The following ANO3 variants were observed in gnomAD, a reference collection of about 807,000 sequenced individuals.
ANO3 encodes the protein anoctamin-3.
In ANO3, 99 loss-of-function variants were observed where a neutral mutation model predicts 144.8. The ratio of observed to expected loss-of-function variants is 0.68; its 90% CI spans 0.58 to 0.81. The LOEUF is 0.81. Ranked by LOEUF, ANO3 falls within the 30% of genes least tolerant of loss-of-function variation. The pLI is 0.00. For missense variants in ANO3, 905 were observed against 1,202.2 expected, an observed-to-expected ratio of 0.75 and a Z score of 3.66; for synonymous variants, 414 against 392.6, an observed-to-expected ratio of 1.05 and a Z score of -0.64.
At position 26,534,572 on chromosome 11, in the gene ANO3, T is replaced by G; in HGVS notation, c.976+10T>G. 1 of 1,567,036 alleles carries G rather than the reference T, an allele frequency of 6.4e-7. No homozygotes were observed. Among genetic ancestry groups the G allele is most frequent in the Non-Finnish European group, 8.8e-7 (1 of 1,138,210 alleles). On this transcript the variant is annotated intron_variant, in intron 9 of 26. Transcript: ENST00000256737. Reference sequence around the variant, plus strand: ...GGAATATCAAAAGTGGGTAAGAACATTAATTAATAACAGAGTAGAACTTGC... The same window carrying G: ...GGAATATCAAAAGTGGGTAAGAACAGTAATTAATAACAGAGTAGAACTTGC...
Position 26,557,144 on chromosome 11 carries a change from A to G in ANO3, c.1387-2575A>G, listed in dbSNP as rs528568541. Among the ~76,000 whole-genome samples, 18 of 152,138 alleles carry G rather than the reference A, an allele frequency of 1.2e-4. No homozygotes were observed. In the South Asian group the frequency reaches 3.5e-3, roughly 30 times the overall value. On this transcript the variant is annotated intron_variant, in intron 13 of 26. Transcript: ENST00000256737. The stretch of plus-strand genomic sequence containing the variant: ...TTAGGCTAAGTTTGCTACCTTCTTT[A>G]TATATTATGCCTAGTCATCTTAACA...
Position 26,599,590 on chromosome 11 carries a change from A to C in ANO3, c.1712A>C (p.Tyr571Ser). Residue 571 changes from tyrosine to serine, a missense_variant, in exon 17 of 27, where the codon TAC becomes TCC. Tyr to Ser is a moderately radical substitution (Grantham distance 144, BLOSUM62 -2). Transcript: ENST00000256737. ...VITAVFGVVV[Y>S]RLVVMEQFAS... ...ACTGCAGTGTTTGGAGTTGTGGTGTACCGCCTGGTTGTCATGGAACAGTTT... is the reference window on the plus strand; with the variant it reads ...ACTGCAGTGTTTGGAGTTGTGGTGTCCCGCCTGGTTGTCATGGAACAGTTT... 3 of 1,614,104 alleles carry C rather than the reference A, an allele frequency of 1.9e-6. No individual in the cohort carries two copies. The highest frequency in any genetic ancestry group is 2.5e-6 in the Non-Finnish European group (3 of 1,179,994).
At chr11:26,225,166 C>A (rs1177201872) in intron 1 of ANO3, among the ~76,000 whole-genome samples, 1 of 151,400 alleles carries the variant, frequency 6.6e-6, no homozygotes, top group Non-Finnish European at 1.5e-5. Flanking sequence ...CAGTAAGTGG[C>A]GGAAAAAAAT....
intron 1 of ANO3, among the ~76,000 whole-genome samples, chr11:26,433,984 T>G (rs11500182): frequency 0.24 from 36,805 of 152,138 alleles, 5,133 homozygotes; most frequent in African/African-American, 0.38. Context: ...TCAGCTCTTC[T>G]TTATCCATCT....
At chr11:26,611,640 G>C (rs575655122) in intron 17 of ANO3, among the ~76,000 whole-genome samples, 1 of 152,200 alleles carries the variant, frequency 6.6e-6, no homozygotes, top group East Asian at 1.9e-4. Context: ...CTATGGTGTA[G>C]TTTAAGTCTA....
chr11:26,632,849 A>G (rs1852830481), intron 18 of ANO3, among the ~76,000 whole-genome samples: 1 of 152,194 alleles, frequency 6.6e-6, no homozygotes, highest in African/African-American at 2.4e-5. Context: ...CTAAAAATCT[A>G]CATCCTCTTT....
Position 26,205,240 on chromosome 11 carries a change from T to C in ANO3, c.154+15910T>C, listed in dbSNP as rs1478354515. Among the ~76,000 whole-genome samples the C allele has an allele frequency of 3.9e-5, 6 of 152,190 alleles. No individual in the cohort carries two copies. In the East Asian group the frequency reaches 1.2e-3, roughly 29 times the overall value. ...GTGGGGACACAGAGCCGAACCATAC[T>C]GTTTGCAACTTTGGGCATCTTTCTA... On this transcript the variant is annotated intron_variant, in intron 1 of 27. Transcript: ENST00000672621.
Position 26,351,973 on chromosome 11 carries a change from G to A in ANO3, c.46+19652G>A, listed in dbSNP as rs995974770. 2.6e-5 allele frequency among the ~76,000 whole-genome samples: 4 copies of A among 152,264 alleles called. 1 individual carries two copies. In the South Asian group the frequency reaches 6.2e-4, roughly 24 times the overall value. ...ATGTATTAACAGCCAAGTAGCAATA[G>A]CCCAGGGCAACTGTGTCCATACGAA... On this transcript the variant is annotated intron_variant, in intron 1 of 26. Coordinates refer to ENST00000256737, the MANE Select transcript of ANO3 (RefSeq NM_031418.4).
At chr11:26,322,645 T>C (rs1854788813) in intron 1 of ANO3, among the ~76,000 whole-genome samples, 1 of 152,156 alleles carries the variant, frequency 6.6e-6, no homozygotes, top group Admixed American at 6.6e-5. Flanking sequence ...ACAGAAAGAA[T>C]GTGCCATTTT....
chr11:26,474,357 A>G (rs1859885085), intron 4 of ANO3, among the ~76,000 whole-genome samples: 1 of 151,834 alleles, frequency 6.6e-6, no homozygotes, highest in African/African-American at 2.4e-5. Context: ...TCACCTCTGA[A>G]GTTTTGTCTT....
intron 1 of ANO3, among the ~76,000 whole-genome samples, chr11:26,273,800 T>C (rs190779859): frequency 2.6e-5 from 4 of 152,112 alleles, no homozygotes; most frequent in Admixed American, 2.6e-4. Context: ...TCCAAACCAG[T>C]GCCAGATCAT....
At chr11:26,643,142 G>C in intron 22 of ANO3, 40 bp from the exon 23 acceptor site, 1 of 1,597,448 alleles carries the variant, frequency 6.3e-7, no homozygotes, top group Non-Finnish European at 8.5e-7. Flanking sequence ...TGTCACAAAG[G>C]AAGTTTATAT....
At chr11:26,498,192 T>A (rs997377222) in intron 4 of ANO3, among the ~76,000 whole-genome samples, 1 of 152,032 alleles carries the variant, frequency 6.6e-6, no homozygotes, top group Non-Finnish European at 1.5e-5. Flanking sequence ...TAAATGATTA[T>A]GTAGATACAA....
intron 14 of ANO3, among the ~76,000 whole-genome samples, chr11:26,571,584 A>T (rs1414501249): frequency 1.3e-5 from 2 of 152,108 alleles, no homozygotes; most frequent in Non-Finnish European, 2.9e-5. Flanking sequence ...TTCCAAAACT[A>T]TTCTAATACT....
At chr11:26,606,649 A>T (rs1307371799) in intron 17 of ANO3, among the ~76,000 whole-genome samples, 2 of 149,400 alleles carry the variant, frequency 1.3e-5, no homozygotes, top group Non-Finnish European at 3.0e-5. Context: ...CTTTATTTTG[A>T]GCCTGTGTGT....
At chr11:26,231,597 A>G (rs976456246) in intron 1 of ANO3, among the ~76,000 whole-genome samples, 1 of 152,180 alleles carries the variant, frequency 6.6e-6, no homozygotes, top group African/African-American at 2.4e-5. Flanking sequence ...AGAGAGTGTT[A>G]TGACTCAGAA....
At chr11:26,310,121 G>T (rs1854472916) in intron 1 of ANO3, among the ~76,000 whole-genome samples, 1 of 152,126 alleles carries the variant, frequency 6.6e-6, no homozygotes, top group Non-Finnish European at 1.5e-5. Flanking sequence ...AAAAGGTAAT[G>T]TAGATTTTAT....
chr11:26,479,584 C>T (rs531169242), intron 4 of ANO3, among the ~76,000 whole-genome samples: 23 of 152,186 alleles, frequency 1.5e-4, no homozygotes, highest in African/African-American at 5.5e-4. Flanking sequence ...TTCACTACCA[C>T]GAGAACAGCA....
intron 1 of ANO3, among the ~76,000 whole-genome samples, chr11:26,421,566 C>T (rs72884602): frequency 0.089 from 13,534 of 151,948 alleles, 799 homozygotes; most frequent in African/African-American, 0.17. Flanking sequence ...CTTTTATAGA[C>T]ATGATGTAAA....
Sources: allele counts gnomAD v4.1 joint callset (sites outside exome capture counted in the v4.1 genomes callset), GRCh38; gene constraint gnomAD v4.1.1; transcripts MANE v1.5; gene names NCBI Gene and HGNC (gene_info 2026-07-23, HGNC 2026-07-21).